RBFOX1: variants seen among roughly 807,000 people sequenced by gnomAD.
RBFOX1 encodes the protein RNA binding protein fox-1 homolog 1.
A neutral mutation model predicts 57.7 loss-of-function variants in RBFOX1; 8 were observed. The observed-to-expected ratio is 0.14, with a 90% CI of 0.08 to 0.25. The LOEUF is 0.25. Ranked by LOEUF, RBFOX1 falls within the 10% of genes least tolerant of loss-of-function variation. The pLI is 1.00. For missense variants in RBFOX1, 611 were observed against 548.5 expected, an observed-to-expected ratio of 1.11 and a Z score of -1.14; for synonymous variants, 326 against 222.4, an observed-to-expected ratio of 1.47 and a Z score of -4.15.
At chr16:7,240,384 C>G (rs562491562) in intron 4 of RBFOX1, among the ~76,000 whole-genome samples, 50 of 152,272 alleles carry the variant, frequency 3.3e-4, no homozygotes, top group East Asian at 1.2e-3. Flanking sequence ...TTGTATATCA[C>G]CATCTGTGAT....
chr16:6,330,976 G>A lies in RBFOX1; in HGVS notation c.-64+13919G>A, dbSNP rs139914797. Among the ~76,000 whole-genome samples the A allele has an allele frequency of 2.8e-3, 423 of 152,272 alleles. 4 individuals are homozygous for A. The highest frequency in any genetic ancestry group is 9.9e-3 in the African/African-American group (410 of 41,554). On this transcript the variant is annotated intron_variant, in intron 2 of 15. Coordinates refer to ENST00000550418, the MANE Select transcript of RBFOX1 (RefSeq NM_018723.4). ...AGGATGGAATTGAAAGAGCAGATAT[G>A]AGAGAGATTACCATCAAGGTACAGA... is the stretch of plus-strand genomic sequence containing the variant.
chr16:6,553,743 G>A (rs924692545), intron 2 of RBFOX1, among the ~76,000 whole-genome samples: 1 of 152,146 alleles, frequency 6.6e-6, no homozygotes, highest in Admixed American at 6.5e-5. Flanking sequence ...GACAGCAAAA[G>A]GTGATAGGAG....
At chr16:6,830,638 T>C (rs765151057) in intron 3 of RBFOX1, among the ~76,000 whole-genome samples, 7 of 152,150 alleles carry the variant, frequency 4.6e-5, no homozygotes, top group Non-Finnish European at 1.0e-4. Flanking sequence ...TACCACAGTA[T>C]ATAGAACAGC....
intron 2 of RBFOX1, among the ~76,000 whole-genome samples, chr16:6,387,052 T>C (rs1258642717): frequency 3.3e-5 from 5 of 152,182 alleles, no homozygotes; most frequent in Non-Finnish European, 7.3e-5. Flanking sequence ...TGGACTTTAA[T>C]TGAAATGCAA....
intron 1 of RBFOX1, among the ~76,000 whole-genome samples, chr16:6,290,644 C>A (rs10852675): frequency 0.54 from 81,683 of 151,946 alleles, 24,760 homozygotes; most frequent in East Asian, 0.8. Flanking sequence ...CACACATGGG[C>A]GAAAAAGGAA....
chr16:6,131,020 T>C (rs1396819925), intron 1 of RBFOX1, among the ~76,000 whole-genome samples: 2 of 152,186 alleles, frequency 1.3e-5, no homozygotes, highest in South Asian at 2.1e-4. Flanking sequence ...GAATCTCATA[T>C]ACATTATAAA....
chr16:5,853,378 C>T (rs764423425), intron 3 of RBFOX1, among the ~76,000 whole-genome samples: 19 of 152,258 alleles, frequency 1.2e-4, no homozygotes, highest in South Asian at 2.1e-4. Context: ...GCTTTGTGAG[C>T]GTGTTGGAGT....
At chr16:7,519,105 A>AT (rs2076997800) in intron 5 of RBFOX1, among the ~76,000 whole-genome samples, 1 of 152,194 alleles carries the variant, frequency 6.6e-6, no homozygotes, top group African/African-American at 2.4e-5. Flanking sequence ...CAGTTCACTG[A>AT]TTTTTAGCAT....
intron 4 of RBFOX1, among the ~76,000 whole-genome samples, chr16:7,479,160 G>A (rs1033638332): frequency 2.7e-5 from 4 of 150,146 alleles, no homozygotes; most frequent in Admixed American, 1.3e-4. Flanking sequence ...GTCTCGGTCT[G>A]TTGCCTAGGC....
chr16:6,770,991 C>A (rs563115604), intron 3 of RBFOX1, among the ~76,000 whole-genome samples: 8 of 152,060 alleles, frequency 5.3e-5, no homozygotes, highest in Non-Finnish European at 1.2e-4. Context: ...ACCCACAGGA[C>A]CTCAGAATGT....
intron 3 of RBFOX1, among the ~76,000 whole-genome samples, chr16:6,716,887 A>T (rs900397985): frequency 3.9e-5 from 6 of 152,224 alleles, no homozygotes; most frequent in Non-Finnish European, 7.3e-5. Flanking sequence ...CCATACATGG[A>T]AATCCTAACT....
chr16:5,934,419 A>G (rs184282701), intron 4 of RBFOX1, among the ~76,000 whole-genome samples: 5 of 152,318 alleles, frequency 3.3e-5, no homozygotes, highest in Admixed American at 6.5e-5. Context: ...TTCTAAATCT[A>G]TTACTTTCTT....
intron 4 of RBFOX1, among the ~76,000 whole-genome samples, chr16:5,980,889 A>G (rs568174177): frequency 6.6e-6 from 1 of 152,242 alleles, no homozygotes; most frequent in Admixed American, 6.5e-5. Context: ...TTTTGTTTAC[A>G]CTGGGCTTGC....
chr16:5,518,669 C>G (rs1020289871), intron 2 of RBFOX1, among the ~76,000 whole-genome samples: 1 of 152,190 alleles, frequency 6.6e-6, no homozygotes, highest in Non-Finnish European at 1.5e-5. Context: ...GGTTCTACCT[C>G]CATTCCTCTC....
intron 14 of RBFOX1, among the ~76,000 whole-genome samples, chr16:7,683,805 A>T (rs2075445927): frequency 6.6e-6 from 1 of 151,570 alleles, no homozygotes; most frequent in African/African-American, 2.4e-5. Context: ...TTGAGAATAT[A>T]CGTGCAAAGC....
intron 3 of RBFOX1, among the ~76,000 whole-genome samples, chr16:6,865,363 A>T (rs896766767): frequency 7.2e-5 from 11 of 152,122 alleles, no homozygotes; most frequent in African/African-American, 2.7e-4. Flanking sequence ...CATTGTAGAT[A>T]ACATGAAAAA....
intron 1 of RBFOX1, among the ~76,000 whole-genome samples, chr16:6,124,670 T>C (rs887810704): frequency 7.9e-5 from 12 of 151,866 alleles, no homozygotes; most frequent in African/African-American, 2.7e-4. Flanking sequence ...GCCCGGCTAG[T>C]TGTTGTTGTT....
chr16:5,478,872 G>C (rs956539957), intron 2 of RBFOX1, among the ~76,000 whole-genome samples: 1 of 152,168 alleles, frequency 6.6e-6, no homozygotes, highest in Non-Finnish European at 1.5e-5. Flanking sequence ...GATCTCTGCT[G>C]CTGTCAGGCA....
At chr16:6,342,565 G>A (rs2084728016) in intron 2 of RBFOX1, among the ~76,000 whole-genome samples, 1 of 152,140 alleles carries the variant, frequency 6.6e-6, no homozygotes, top group African/African-American at 2.4e-5. Flanking sequence ...GGTAGAAGAA[G>A]TAATGAAGTT....
Sources: gnomAD v4.1 joint callset for allele counts (sites outside exome capture counted in the v4.1 genomes callset) on GRCh38, gnomAD v4.1.1 for gene constraint, MANE v1.5 for transcripts, NCBI Gene and HGNC (gene_info 2026-07-23, HGNC 2026-07-21) for gene names.